The following PRKCQ variants were observed in gnomAD, a reference collection of about 807,000 sequenced individuals.
The protein encoded by PRKCQ is protein kinase C theta, also known as protein kinase C theta type.
In PRKCQ, 41 loss-of-function variants were observed where a neutral mutation model predicts 91.2. The ratio of observed to expected loss-of-function variants is 0.45; its 90% confidence interval spans 0.35 to 0.58. The LOEUF is 0.58. Ranked by LOEUF, PRKCQ falls within the 20% of genes least tolerant of loss-of-function variation. The probability of loss-of-function intolerance (pLI) is 0.00; values close to 1 mark genes in which losing one functional copy is unlikely to be tolerated. For synonymous variants in PRKCQ, 307 were observed against 316.9 expected, an observed-to-expected ratio of 0.97 and a Z score of 0.33; for missense variants, 673 against 896.5, an observed-to-expected ratio of 0.75 and a Z score of 3.18.
At chr10:6,580,046 C>T (rs975174688) in intron 1 of PRKCQ, among the ~76,000 whole-genome samples, 165 bp downstream of exon 1, 1 of 152,144 alleles carries the variant, frequency 6.6e-6, no homozygotes, top group Admixed American at 6.5e-5. Context: ...CTTCCCGGTG[C>T]GCTCTTGCGC....
chr10:6,406,668 G>A, the PRKCQ span, among the ~76,000 whole-genome samples: 3 of 152,128 alleles, frequency 2.0e-5, no homozygotes, highest in African/African-American at 7.2e-5. Flanking sequence ...GCCATGAAAC[G>A]AATATGTCTT....
At chr10:6,418,881 ATTTG>A in the PRKCQ span, among the ~76,000 whole-genome samples, 8 of 142,870 alleles carry the variant, frequency 5.6e-5, no homozygotes, top group East Asian at 2.4e-4. Flanking sequence ...TCTCCATATT[ATTTG>A]TTTATCCATC....
intron 15 of PRKCQ, among the ~76,000 whole-genome samples, chr10:6,446,590 T>A (rs1167779062): frequency 1.3e-5 from 2 of 152,072 alleles, no homozygotes; most frequent in Non-Finnish European, 2.9e-5. Flanking sequence ...GGTCTCGAAC[T>A]CCTGACCTCA....
chr10:6,436,438 CG>C (rs1287075686), intron 16 of PRKCQ, among the ~76,000 whole-genome samples: 1 of 152,098 alleles, frequency 6.6e-6, no homozygotes, highest in Non-Finnish European at 1.5e-5. Flanking sequence ...GGCCTGGTAC[CG>C]TGTGTGTATA....
At chr10:6,479,526 C>T (rs1213967529) in intron 11 of PRKCQ, among the ~76,000 whole-genome samples, 2 of 152,034 alleles carry the variant, frequency 1.3e-5, no homozygotes, top group Non-Finnish European at 2.9e-5. Context: ...AGAGGAGAAA[C>T]TGTACTCGAA....
At chr10:6,555,101 G>A (rs1840356015) in intron 1 of PRKCQ, among the ~76,000 whole-genome samples, 2 of 151,214 alleles carry the variant, frequency 1.3e-5, no homozygotes, top group Admixed American at 1.3e-4. Context: ...CATAAAGATG[G>A]CAACGATAGA....
rs76161829 is a variant in PRKCQ, at chr10:6,456,930, G to A, written c.1509-118C>T. 6.4e-4 allele frequency: 666 copies of A among 1,039,034 alleles called. No individual in the cohort carries two copies. The African/African-American group carries it at 9.4e-3, about 15-fold the overall frequency. The allele number at this position is 1,039,034 out of a possible 1,614,324, so 64.4% of individuals were successfully genotyped here. A position where few individuals can be genotyped will look rare whatever the true frequency, so the allele number is the denominator to read the frequency against. On this transcript the variant is annotated intron_variant, in intron 14 of 17. Transcript: ENST00000263125. ...AGCCTGAGAGGGGCTCACGAGAGGC[G>A]CTTATGTATCTATCCACTTGCACAC...
intron 16 of PRKCQ, among the ~76,000 whole-genome samples, chr10:6,440,914 G>C (rs1235585931): frequency 6.6e-6 from 1 of 152,154 alleles, no homozygotes; most frequent in East Asian, 1.9e-4. Context: ...CTTTAACCTG[G>C]GAGGTGGAGG....
At chr10:6,525,697 G>T (rs527578525) in intron 1 of PRKCQ, among the ~76,000 whole-genome samples, 18 of 152,314 alleles carry the variant, frequency 1.2e-4, no homozygotes, top group Middle Eastern at 3.4e-3. Flanking sequence ...CCACGAGCAG[G>T]AGAAAAGAAA....
At chr10:6,491,008 T>C (rs145701935) in intron 8 of PRKCQ, among the ~76,000 whole-genome samples, 4 of 152,348 alleles carry the variant, frequency 2.6e-5, no homozygotes, top group African/African-American at 9.6e-5. Flanking sequence ...TGTTTCCTTT[T>C]TTGATGGTAG....
intron 1 of PRKCQ, among the ~76,000 whole-genome samples, chr10:6,579,471 C>T (rs1404658784): frequency 6.6e-6 from 1 of 152,064 alleles, no homozygotes; most frequent in African/African-American, 2.4e-5. Flanking sequence ...TCTTCATGCC[C>T]ACGGGGGAGT....
intron 16 of PRKCQ, among the ~76,000 whole-genome samples, chr10:6,433,133 C>T (rs940631896): frequency 1.3e-5 from 2 of 152,224 alleles, no homozygotes; most frequent in African/African-American, 4.8e-5. Flanking sequence ...AGGCACTGTG[C>T]TAGATGCCTC....
intron 1 of PRKCQ, chr10:6,515,366 T>C (rs1295669513): frequency 6.8e-7 from 1 of 1,462,702 alleles, no homozygotes; most frequent in African/African-American, 1.4e-5. Flanking sequence ...TTTCTGGAAG[T>C]CTGCACTCAA....
chr10:6,399,724 C>T, the PRKCQ span, among the ~76,000 whole-genome samples: 1 of 152,138 alleles, frequency 6.6e-6, no homozygotes, highest in African/African-American at 2.4e-5. Context: ...GCCTTTCCCC[C>T]TAGAGTCGTT....
intron 17 of PRKCQ, among the ~76,000 whole-genome samples, chr10:6,429,094 G>C (rs530657404): frequency 6.6e-6 from 1 of 152,176 alleles, no homozygotes; most frequent in African/African-American, 2.4e-5. Flanking sequence ...ACAGAGAAGC[G>C]AAATGAAGAA....
chr10:6,563,757 T>G (rs1782322595), intron 1 of PRKCQ, among the ~76,000 whole-genome samples: 1 of 152,194 alleles, frequency 6.6e-6, no homozygotes, highest in Non-Finnish European at 1.5e-5. Flanking sequence ...ACTGAGCACT[T>G]GCTATGTGTG....
At chr10:6,520,917 T>G (rs569158) in intron 1 of PRKCQ, among the ~76,000 whole-genome samples, 113,474 of 152,084 alleles carry the variant, frequency 0.75, 43,140 homozygotes, top group Admixed American at 0.85. Flanking sequence ...AACTACACAA[T>G]TCTCTCTGGT....
intron 1 of PRKCQ, among the ~76,000 whole-genome samples, chr10:6,523,092 T>C (rs1410382300): frequency 6.6e-6 from 1 of 152,082 alleles, no homozygotes; most frequent in Non-Finnish European, 1.5e-5. Flanking sequence ...TTCTACTAAG[T>C]AGTATAATAA....
At chr10:6,476,058 T>C (rs1588718669) in intron 12 of PRKCQ, among the ~76,000 whole-genome samples, 1 of 152,150 alleles carries the variant, frequency 6.6e-6, no homozygotes, top group East Asian at 1.9e-4. Context: ...TAGTGTTCCA[T>C]TATTGGAACG....
Sources: allele counts gnomAD v4.1 joint callset (sites outside exome capture counted in the v4.1 genomes callset), GRCh38; gene constraint gnomAD v4.1.1; transcripts MANE v1.5; gene names NCBI Gene and HGNC (gene_info 2026-07-23, HGNC 2026-07-21).